The following ANGPT1 variants were observed in gnomAD, a reference collection of about 807,000 sequenced individuals.
ANGPT1 encodes angiopoietin-1.
Under a neutral mutation model 62.2 loss-of-function variants are expected in ANGPT1, and 17 were observed. That is an observed-to-expected ratio of 0.27 (90% CI 0.19 to 0.41). The LOEUF is 0.41. Among genes scored for constraint, ANGPT1 ranks in the 10% least tolerant of loss-of-function variants. ANGPT1 has a pLI of 1.00. For synonymous variants in ANGPT1, 199 were observed against 198.9 expected, an observed-to-expected ratio of 1.00 and a Z score of 0.00; for missense variants, 478 against 594.9, an observed-to-expected ratio of 0.80 and a Z score of 2.04.
chr8:107,492,050 T>G (rs560106498), intron 1 of ANGPT1, among the ~76,000 whole-genome samples: 3 of 136,340 alleles, frequency 2.2e-5, no homozygotes, highest in Admixed American at 7.5e-5. Context: ...TCTGAAAGGG[T>G]TTTTTTTGGA....
intron 3 of ANGPT1, among the ~76,000 whole-genome samples, chr8:107,329,318 A>G (rs1586228905): frequency 6.6e-6 from 1 of 152,190 alleles, no homozygotes; most frequent in South Asian, 2.1e-4. Context: ...AATTTGACTT[A>G]CAACTGTATA....
rs548742668 is a variant in ANGPT1 at position 107,307,631 on chromosome 8, C to G, written c.809-4264G>C. Among the ~76,000 whole-genome samples the G allele has an allele frequency of 4.6e-5, 7 of 152,000 alleles. No homozygotes were observed. In the South Asian group the frequency reaches 6.2e-4, roughly 14 times the overall value. The stretch of plus-strand genomic sequence containing the variant: ...CTTTCAACTTCTCCAATTGTTTTTT[C>G]TCTTTCCTCTTTTATCGGTTTATTT... On this transcript the variant is annotated intron_variant, in intron 4 of 8. Transcript: ENST00000517746.
chr8:107,387,082 C>T (rs868687751), intron 1 of ANGPT1, among the ~76,000 whole-genome samples: 1 of 152,056 alleles, frequency 6.6e-6, no homozygotes, highest in African/African-American at 2.4e-5. Context: ...AAACCCATAA[C>T]TGAAATGTGT....
Position 107,497,340 on chromosome 8 carries a change from G to T in ANGPT1, c.219C>A (p.His73Gln), listed in dbSNP as rs750383368. ...NTNALQRDAP[H>Q]VEPDFSSQKL... is the part of the protein sequence containing the mutation. ...TCTGGGAAGAGAAATCCGGTTCCACGTGTGGAGCATCTCTCTGCAGAGCGT... is the reference window on the plus strand; with the variant it reads ...TCTGGGAAGAGAAATCCGGTTCCACTTGTGGAGCATCTCTCTGCAGAGCGT... Residue 73 changes from histidine to glutamine, a missense_variant, in exon 1 of 9, where the codon CAC becomes CAA. This residue lies in a region of ANGPT1 where 343 missense variants were observed against 355.4 expected (regional missense o/e 0.97). Coordinates refer to ENST00000517746, the MANE Select transcript of ANGPT1 (RefSeq NM_001146.5). 1.2e-6 allele frequency: 2 copies of T among 1,614,124 alleles called. No homozygotes were observed. Among genetic ancestry groups the T allele is most frequent in the Admixed American group, 3.3e-5 (2 of 60,030 alleles).
chr8:107,400,611 G>A (rs949791588), intron 1 of ANGPT1, among the ~76,000 whole-genome samples: 4 of 150,844 alleles, frequency 2.7e-5, no homozygotes, highest in African/African-American at 9.8e-5. Flanking sequence ...CCAAGCTGGA[G>A]TGCATTGTCG....
intron 1 of ANGPT1, among the ~76,000 whole-genome samples, chr8:107,373,678 C>A (rs1274439550): frequency 6.6e-6 from 1 of 152,140 alleles, no homozygotes; most frequent in Non-Finnish European, 1.5e-5. Flanking sequence ...TGAATATATT[C>A]TTTAATGCCT....
In ANGPT1 at chr8:107,497,560, G is replaced by A. The variant is rs776432944; in HGVS notation, c.-2C>T. 1 of 1,612,774 alleles carries A rather than the reference G, an allele frequency of 6.2e-7. No individual in the cohort carries two copies. The highest frequency in any genetic ancestry group is 8.5e-7 in the Non-Finnish European group (1 of 1,179,220). ...AGCAAAGGAAAGGAAAACTGTCATT[G>A]TACTGCCAGCACACTCCTTCCGTGC... On this transcript the variant is annotated 5_prime_UTR_variant, in exon 1 of 9. Transcript: ENST00000517746.
At chr8:107,441,910 C>T (rs1173600337) in intron 1 of ANGPT1, among the ~76,000 whole-genome samples, 1 of 152,028 alleles carries the variant, frequency 6.6e-6, no homozygotes, top group African/African-American at 2.4e-5. Context: ...ATAGTGAAAC[C>T]CTGTCTCTAC....
At chr8:107,417,784 CTG>C (rs1276687465) in intron 1 of ANGPT1, among the ~76,000 whole-genome samples, 1 of 152,136 alleles carries the variant, frequency 6.6e-6, no homozygotes, top group Non-Finnish European at 1.5e-5. Context: ...TCTTCTGTGG[CTG>C]TGAATTTTAG....
intron 6 of ANGPT1, among the ~76,000 whole-genome samples, 190 bp downstream of exon 6, chr8:107,293,746 C>T (rs947623602): frequency 5.3e-5 from 8 of 152,094 alleles, no homozygotes; most frequent in African/African-American, 4.8e-5. Context: ...TTCTTTCTGA[C>T]GCACACGTGG....
intron 1 of ANGPT1, among the ~76,000 whole-genome samples, chr8:107,347,307 T>C (rs1815827971): frequency 6.6e-6 from 1 of 152,214 alleles, no homozygotes; most frequent in African/African-American, 2.4e-5. Flanking sequence ...CATATATTTA[T>C]AATCATCACA....
At chr8:107,278,710 C>T (rs1355419751) in intron 7 of ANGPT1, among the ~76,000 whole-genome samples, 1 of 152,214 alleles carries the variant, frequency 6.6e-6, no homozygotes, top group East Asian at 1.9e-4. Context: ...TATTTCTTCA[C>T]TTAGCACCCA....
At chr8:107,342,455 T>A (rs1293576703) in intron 2 of ANGPT1, among the ~76,000 whole-genome samples, 1 of 152,158 alleles carries the variant, frequency 6.6e-6, no homozygotes, top group Non-Finnish European at 1.5e-5. Context: ...ACAGTAAACA[T>A]CTTAGGCTTG....
intron 1 of ANGPT1, among the ~76,000 whole-genome samples, chr8:107,441,970 G>A (rs1355192490): frequency 2.6e-5 from 4 of 152,056 alleles, no homozygotes; most frequent in African/African-American, 9.7e-5. Context: ...TGTAATCGCG[G>A]CTACTCAGGA....
intron 4 of ANGPT1, among the ~76,000 whole-genome samples, chr8:107,321,508 C>T (rs1815148550): frequency 6.6e-6 from 1 of 152,094 alleles, no homozygotes; most frequent in Non-Finnish European, 1.5e-5. Flanking sequence ...AATGGAAATC[C>T]TCCTGAAACT....
chr8:107,391,204 C>A (rs1347309632), intron 1 of ANGPT1, among the ~76,000 whole-genome samples: 1 of 152,126 alleles, frequency 6.6e-6, no homozygotes, highest in Non-Finnish European at 1.5e-5. Flanking sequence ...TCTCTGGTTC[C>A]CATCATAATG....
At chr8:107,446,413 G>T (rs1586329310) in intron 1 of ANGPT1, among the ~76,000 whole-genome samples, 1 of 152,226 alleles carries the variant, frequency 6.6e-6, no homozygotes, top group Non-Finnish European at 1.5e-5. Context: ...CTACCATATT[G>T]GACAATACAG....
intron 3 of ANGPT1, among the ~76,000 whole-genome samples, chr8:107,333,281 T>TCAC (rs1180671638): frequency 6.6e-6 from 1 of 152,038 alleles, no homozygotes; most frequent in Non-Finnish European, 1.5e-5. Flanking sequence ...ACTATAGAGA[T>TCAC]ACAGCAATAC....
At chr8:107,416,719 A>G (rs1810757829) in intron 1 of ANGPT1, among the ~76,000 whole-genome samples, 1 of 152,080 alleles carries the variant, frequency 6.6e-6, no homozygotes, top group African/African-American at 2.4e-5. Context: ...TCTATGCAGC[A>G]TTCCTTCCTC....
Sources: gnomAD v4.1 joint callset for allele counts (sites outside exome capture counted in the v4.1 genomes callset) on GRCh38, gnomAD v4.1.1 for gene constraint, gnomAD v4.1.1 regional missense constraint, MANE v1.5 for transcripts, NCBI Gene and HGNC (gene_info 2026-07-23, HGNC 2026-07-21) for gene names.